The following ENOX1 variants were observed in gnomAD, a reference collection of about 807,000 sequenced individuals.
ENOX1 encodes ecto-NOX disulfide-thiol exchanger 1.
In ENOX1, 42 loss-of-function variants were observed where a neutral mutation model predicts 82.5. That is an observed-to-expected ratio of 0.51 (90% CI 0.40 to 0.66). ENOX1 has a LOEUF of 0.66. ENOX1 is among the 30% of genes least tolerant of loss of function. The pLI is 0.00. For missense variants in ENOX1, 608 were observed against 811.6 expected (o/e 0.75, Z 3.05); for synonymous variants, 271 against 282.2 (o/e 0.96, Z 0.40).
At chr13:43,724,140 T>A (rs1158388538) in intron 1 of ENOX1, among the ~76,000 whole-genome samples, 1 of 152,220 alleles carries the variant, frequency 6.6e-6, no homozygotes, top group African/African-American at 2.4e-5. Flanking sequence ...CAGAAATCCA[T>A]TTTTCATGCT....
intron 2 of ENOX1, among the ~76,000 whole-genome samples, chr13:43,553,405 G>A (rs1026726535): frequency 6.6e-6 from 1 of 152,146 alleles, no homozygotes; most frequent in East Asian, 1.9e-4. Flanking sequence ...TTGACACTTG[G>A]TTGCTCTGAC....
chr13:43,557,768 A>C (rs2079505344), intron 2 of ENOX1, among the ~76,000 whole-genome samples: 1 of 152,186 alleles, frequency 6.6e-6, no homozygotes, highest in Non-Finnish European at 1.5e-5. Flanking sequence ...ACTGCCCTTC[A>C]GACTGGGTGA....
intron 3 of ENOX1, among the ~76,000 whole-genome samples, chr13:43,424,489 C>G (rs1329984351): frequency 2.0e-5 from 3 of 152,208 alleles, no homozygotes; most frequent in Non-Finnish European, 2.9e-5. Flanking sequence ...CCAAGACCAG[C>G]CTGAGCCAGT....
At chr13:43,652,088 G>A (rs1184974821) in intron 2 of ENOX1, among the ~76,000 whole-genome samples, 1 of 151,632 alleles carries the variant, frequency 6.6e-6, no homozygotes, top group Admixed American at 6.6e-5. Context: ...AGTATATAAT[G>A]CCTACTTGGC....
intron 15 of ENOX1, among the ~76,000 whole-genome samples, chr13:43,231,800 T>C (rs562580787): frequency 8.5e-5 from 13 of 152,348 alleles, no homozygotes; most frequent in African/African-American, 2.9e-4. Context: ...TGAGGGGAGA[T>C]CATCTTTCCA....
intron 14 of ENOX1, 26 bp downstream of exon 14, chr13:43,265,372 A>AC: frequency 1.2e-6 from 2 of 1,603,054 alleles, no homozygotes; most frequent in Non-Finnish European, 1.7e-6. Context: ...AGCAAGAAGA[A>AC]CAAATACCAG....
chr13:43,298,636 C>T (rs1292640561), intron 11 of ENOX1, 106 bp from the exon 12 acceptor site: 12 of 1,092,978 alleles, frequency 1.1e-5, no homozygotes, highest in Admixed American at 8.4e-5. Context: ...ATGTTTGTAC[C>T]AGCTCAGAAA....
intron 2 of ENOX1, among the ~76,000 whole-genome samples, chr13:43,559,893 A>C (rs971146765): frequency 6.6e-6 from 1 of 152,198 alleles, no homozygotes; most frequent in Non-Finnish European, 1.5e-5. Flanking sequence ...AATATACTCT[A>C]GGCCTTTTCT....
At chr13:43,749,664 T>C (rs1183649253) in intron 1 of ENOX1, among the ~76,000 whole-genome samples, 1 of 152,234 alleles carries the variant, frequency 6.6e-6, no homozygotes, top group African/African-American at 2.4e-5. Flanking sequence ...TCTGAGAATA[T>C]GACTGATGTT....
At chr13:43,417,202 G>T in intron 3 of ENOX1, among the ~76,000 whole-genome samples, 1 of 111,516 alleles carries the variant, frequency 9.0e-6, no homozygotes, top group Non-Finnish European at 1.8e-5. Flanking sequence ...GAGGGAGACG[G>T]GAGACGGGAG....
At chr13:43,406,381 C>T (rs2053794867) in intron 5 of ENOX1, among the ~76,000 whole-genome samples, 1 of 152,116 alleles carries the variant, frequency 6.6e-6, no homozygotes, top group Non-Finnish European at 1.5e-5. Flanking sequence ...AGCCAAGGAA[C>T]ACTTAAGGGT....
intron 5 of ENOX1, among the ~76,000 whole-genome samples, chr13:43,395,779 T>A (rs1187596538): frequency 6.6e-6 from 1 of 152,210 alleles, no homozygotes; most frequent in Non-Finnish European, 1.5e-5. Flanking sequence ...TAAAGCAGAA[T>A]ACTTCGTTTA....
In ENOX1 at chr13:43,562,676, T is replaced by A. The variant is rs531559887; in HGVS notation, c.-218-78524A>T. Among the ~76,000 whole-genome samples the A allele has an allele frequency of 3.3e-5, 5 of 151,980 alleles. No homozygotes were observed. In the South Asian group the frequency reaches 1.0e-3, roughly 32 times the overall value. The stretch of plus-strand genomic sequence containing the variant: ...CATGCTCCACCTATAAAGACACACA[T>A]AGATTGAAAATAAAGAACTGGAAAG... On this transcript the variant is annotated intron_variant, in intron 2 of 16. Coordinates refer to ENST00000690772, the MANE Select transcript of ENOX1 (RefSeq NM_001347969.2).
intron 5 of ENOX1, among the ~76,000 whole-genome samples, chr13:43,405,351 C>T (rs780431193): frequency 1.3e-4 from 20 of 152,264 alleles, no homozygotes; most frequent in Middle Eastern, 3.4e-3. Context: ...CTGGGCGTTA[C>T]GGTCCCCAGG....
chr13:43,614,968 A>G (rs1003638629), intron 2 of ENOX1, among the ~76,000 whole-genome samples: 2 of 152,202 alleles, frequency 1.3e-5, no homozygotes, highest in African/African-American at 2.4e-5. Context: ...CTGAATGTAC[A>G]TTAAAGTTTG....
At chr13:43,269,607 T>C in intron 12 of ENOX1, 30 bp from the exon 13 acceptor site, 10 of 1,556,394 alleles carry the variant, frequency 6.4e-6, no homozygotes, top group Non-Finnish European at 8.0e-6. Flanking sequence ...TTAGCATAAG[T>C]AGGATTGAAG....
chr13:43,335,768 C>CAAAA lies in ENOX1; in HGVS notation c.1036+8766_1036+8769dup, dbSNP rs386378967. Among the ~76,000 whole-genome samples the CAAAA allele has an allele frequency of 2.4e-3, 278 of 116,872 alleles. 2 individuals carry two copies. Among genetic ancestry groups the CAAAA allele is most frequent in the East Asian group, 6.0e-3 (27 of 4,476 alleles). 76.7% of individuals were successfully genotyped at this position (116,872 alleles called of 152,430 possible). ...TCCACGAGACTGAAAGGAAGGATAC[C>CAAAA]AAAAAAAAAAAAAAAGAAAAGAAAA... On this transcript the variant is annotated intron_variant, in intron 9 of 16. Coordinates refer to ENST00000690772, the MANE Select transcript of ENOX1 (RefSeq NM_001347969.2).
chr13:43,641,410 A>G (rs577985529), intron 2 of ENOX1, among the ~76,000 whole-genome samples: 1 of 152,256 alleles, frequency 6.6e-6, no homozygotes, highest in African/African-American at 2.4e-5. Context: ...TGAGATACAT[A>G]CAAGAGTAAG....
At chr13:43,285,607 A>G (rs922157109) in intron 12 of ENOX1, among the ~76,000 whole-genome samples, 1 of 152,020 alleles carries the variant, frequency 6.6e-6, no homozygotes, top group Non-Finnish European at 1.5e-5. Context: ...GGAGTTCGAG[A>G]CCAGCCTGGC....
Sources: allele counts gnomAD v4.1 joint callset (sites outside exome capture counted in the v4.1 genomes callset), GRCh38; gene constraint gnomAD v4.1.1; transcripts MANE v1.5; gene names NCBI Gene and HGNC (gene_info 2026-07-23, HGNC 2026-07-21).